ULK4: variants seen among roughly 807,000 people sequenced by gnomAD.
The protein encoded by ULK4 is inactive serine/threonine-protein kinase ULK4.
Under a neutral mutation model 160.6 loss-of-function variants are expected in ULK4, and 133 were observed. The ratio of observed to expected loss-of-function variants is 0.83; its 90% CI spans 0.72 to 0.96. The LOEUF is 0.96. ULK4 is among the 40% of genes least tolerant of loss of function. The probability of loss-of-function intolerance (pLI) is 0.00; values close to 1 mark genes in which losing one functional copy is unlikely to be tolerated. For synonymous variants in ULK4, 534 were observed against 539.8 expected, an observed-to-expected ratio of 0.99 and a Z score of 0.15; for missense variants, 1,580 against 1,499.5, an observed-to-expected ratio of 1.05 and a Z score of -0.89.
At chr3:41,792,558 T>G (rs762609747) in intron 20 of ULK4, among the ~76,000 whole-genome samples, 1 of 152,086 alleles carries the variant, frequency 6.6e-6, no homozygotes. Flanking sequence ...AAAACCAACT[T>G]CCCATTGTTA....
At chr3:41,681,834 T>C (rs1225653155) in intron 27 of ULK4, 30 bp from the exon 28 acceptor site, 1 of 1,611,918 alleles carries the variant, frequency 6.2e-7, no homozygotes, top group South Asian at 1.1e-5. Context: ...AGACTCAGAA[T>C]CTCTATGAAC....
In ULK4 at chr3:41,550,408, T is replaced by TA. The variant is rs1352642900; in HGVS notation, c.3226+15616dup. On this transcript the variant is annotated intron_variant, in intron 32 of 36. Coordinates refer to ENST00000301831, the MANE Select transcript of ULK4 (RefSeq NM_017886.4). ...GCCTACAAGAAATATATTTCACCTC[T>TA]AAACATACACATAAACTTAAAGGTA... is the stretch of plus-strand genomic sequence containing the variant. 1.2e-4 allele frequency among the ~76,000 whole-genome samples: 16 copies of TA among 138,806 alleles called. No homozygotes were observed. The East Asian group carries it at 3.3e-3, about 28-fold the overall frequency. The allele number at this position is 138,806 out of a possible 152,430, so 91.1% of individuals were successfully genotyped here.
intron 17 of ULK4, among the ~76,000 whole-genome samples, chr3:41,862,011 C>T (rs1472862684): frequency 6.6e-6 from 1 of 151,910 alleles, no homozygotes; most frequent in Non-Finnish European, 1.5e-5. Flanking sequence ...GGGGTTTCAC[C>T]ATGTTGCCCA....
At chr3:41,850,334 G>A (rs1257583195) in intron 17 of ULK4, among the ~76,000 whole-genome samples, 1 of 152,228 alleles carries the variant, frequency 6.6e-6, no homozygotes, top group East Asian at 1.9e-4. Context: ...CCCAGTAATG[G>A]GATGGCTGGG....
chr3:41,631,684 C>T (rs1559445773), intron 30 of ULK4, among the ~76,000 whole-genome samples: 1 of 152,052 alleles, frequency 6.6e-6, no homozygotes, highest in Admixed American at 6.5e-5. Context: ...CTGTAATATT[C>T]CACACCTGTT....
At chr3:41,447,584 T>C (rs2083329943) in intron 34 of ULK4, among the ~76,000 whole-genome samples, 1 of 152,120 alleles carries the variant, frequency 6.6e-6, no homozygotes, top group African/African-American at 2.4e-5. Context: ...AAACATTGAA[T>C]GTCAGAGCCC....
chr3:41,870,441 A>G lies in ULK4; in HGVS notation c.1656+13433T>C, dbSNP rs576608860. The stretch of plus-strand genomic sequence containing the variant: ...TGTCAGTTTGAGTCATTTCTATTAA[A>G]CAGACCTATAATTCACTGATTCTGT... On this transcript the variant is annotated intron_variant, in intron 17 of 36. Coordinates refer to ENST00000301831, the MANE Select transcript of ULK4 (RefSeq NM_017886.4). Among the ~76,000 whole-genome samples, 386 of 152,252 alleles carry G rather than the reference A, an allele frequency of 2.5e-3. 4 individuals are homozygous for G. Among genetic ancestry groups the G allele is most frequent in the Admixed American group, 5.2e-3 (80 of 15,284 alleles).
chr3:41,856,540 TATATATATGTGTATATATATACAC>T (rs1272350534), intron 17 of ULK4, among the ~76,000 whole-genome samples: 46 of 85,020 alleles, frequency 5.4e-4, no homozygotes, highest in African/African-American at 2.3e-3. Context: ...TATGTATGTA[TATATATATGTGTATATATATACAC>T]ATATATATAT....
chr3:41,531,339 G>A (rs972068223), intron 32 of ULK4, among the ~76,000 whole-genome samples: 8 of 150,380 alleles, frequency 5.3e-5, no homozygotes, highest in African/African-American at 1.7e-4. Flanking sequence ...TACCCGGGAA[G>A]CTGAGGCAGG....
chr3:41,431,547 C>CTTTTTTTTTTTTTTTTTTTTTTTTTTTTT lies in ULK4; in HGVS notation c.3492+23949_3492+23950insAAAAAAAAAAAAAAAAAAAAAAAAAAAAA, dbSNP rs1553664758. On this transcript the variant is annotated intron_variant, in intron 34 of 36. Transcript: ENST00000301831. The stretch of plus-strand genomic sequence containing the variant: ...CCTGTGAGGTGTTGTAATTCCCTCC[C>CTTTTTTTTTTTTTTTTTTTTTTTTTTTTT]TTTTTTTTTTTTTTTGATGTGGAAA... 1.1e-3 allele frequency among the ~76,000 whole-genome samples: 105 copies of CTTTTTTTTTTTTTTTTTTTTTTTTTTTTT among 95,844 alleles called. 10 individuals carry two copies. Among genetic ancestry groups the CTTTTTTTTTTTTTTTTTTTTTTTTTTTTT allele is most frequent in the East Asian group, 1.8e-3 (4 of 2,254 alleles). 62.9% of individuals were successfully genotyped at this position (95,844 alleles called of 152,430 possible).
chr3:41,795,265 ATT>A, intron 20 of ULK4, among the ~76,000 whole-genome samples: 1 of 152,042 alleles, frequency 6.6e-6, no homozygotes, highest in South Asian at 2.1e-4. Context: ...TGCAGGTGCA[ATT>A]TTTTTTGTTA....
At chr3:41,611,261 C>T (rs1002888061) in intron 31 of ULK4, among the ~76,000 whole-genome samples, 2 of 152,334 alleles carry the variant, frequency 1.3e-5, no homozygotes, top group South Asian at 2.1e-4. Flanking sequence ...ATCACAGCTG[C>T]CTTGTGCTGC....
intron 35 of ULK4, among the ~76,000 whole-genome samples, chr3:41,388,785 G>C (rs2081884093): frequency 6.6e-6 from 1 of 152,110 alleles, no homozygotes; most frequent in South Asian, 2.1e-4. Flanking sequence ...TAGCCTTGTA[G>C]TATAGTTTGA....
chr3:41,356,282 C>T (rs6805984), intron 35 of ULK4, among the ~76,000 whole-genome samples: 5,940 of 152,228 alleles, frequency 0.039, 307 homozygotes, highest in East Asian at 0.19. Context: ...CCTTGGGATA[C>T]GCCAGACGCA....
rs1046584928 is a variant in ULK4 at position 41,744,779 on chromosome 3, G to A, written c.2321+9582C>T. 3.3e-5 allele frequency among the ~76,000 whole-genome samples: 5 copies of A among 151,710 alleles called. 1 individual carries two copies. Among genetic ancestry groups the A allele is most frequent in the African/African-American group, 1.2e-4 (5 of 41,120 alleles). On this transcript the variant is annotated intron_variant, in intron 22 of 36. Transcript: ENST00000301831. ...AATGTACATGCTTTTCAAGCGCCCT[G>A]TACCATTCACCAAAATAGACTATAC...
intron 2 of ULK4, among the ~76,000 whole-genome samples, chr3:41,949,096 C>T (rs1015642759): frequency 6.6e-6 from 1 of 151,850 alleles, no homozygotes; most frequent in Non-Finnish European, 1.5e-5. Context: ...CACCTGAGGT[C>T]AGGAGTTCGA....
intron 2 of ULK4, among the ~76,000 whole-genome samples, chr3:41,951,548 T>C (rs1403704595): frequency 6.6e-6 from 1 of 152,108 alleles, no homozygotes; most frequent in Non-Finnish European, 1.5e-5. Flanking sequence ...CCCTCACACA[T>C]ATGGTCAAAT....
intron 22 of ULK4, among the ~76,000 whole-genome samples, chr3:41,726,663 T>C (rs2037662217): frequency 1.3e-5 from 2 of 152,340 alleles, no homozygotes; most frequent in South Asian, 2.1e-4. Flanking sequence ...TCACCCAGGC[T>C]GGAATGCAGT....
intron 31 of ULK4, among the ~76,000 whole-genome samples, chr3:41,584,065 A>G (rs2030594370): frequency 6.6e-6 from 1 of 152,204 alleles, no homozygotes; most frequent in Non-Finnish European, 1.5e-5. Flanking sequence ...TCTGGGCCAA[A>G]TCTTGATTGA....
Sources: gnomAD v4.1 joint callset for allele counts (sites outside exome capture counted in the v4.1 genomes callset) on GRCh38, gnomAD v4.1.1 for gene constraint, MANE v1.5 for transcripts, NCBI Gene and HGNC (gene_info 2026-07-23, HGNC 2026-07-21) for gene names.